TRDN: variants seen among roughly 807,000 people sequenced by gnomAD.
The protein encoded by TRDN is triadin in skeletal muscle.
TRDN carries 161 observed loss-of-function variants against 149.7 expected under a neutral mutation model. The observed-to-expected ratio is 1.08, with a 90% confidence interval of 0.95 to 1.23. TRDN has a LOEUF of 1.23. TRDN is among the 50% of genes most tolerant of loss of function. TRDN has a pLI of 0.00. For missense variants in TRDN, 896 were observed against 823.5 expected (o/e 1.09, Z -1.08); for synonymous variants, 294 against 250.5 (o/e 1.17, Z -1.64).
Position 123,516,207 on chromosome 6 carries a change from C to T in TRDN, c.485-1G>A. 2.0e-6 allele frequency: 3 copies of T among 1,479,928 alleles called. No homozygotes were observed. Among genetic ancestry groups the T allele is most frequent in the Non-Finnish European group, 2.7e-6 (3 of 1,103,820 alleles). The allele number at this position is 1,479,928 out of a possible 1,614,324, so 91.7% of individuals were successfully genotyped here. A position where few individuals can be genotyped will look rare whatever the true frequency, so the allele number is the denominator to read the frequency against. ...CCTTTTTCTTTTTCTTTGTGTGTAACTGAAAAGAAACAGATAAATAGTTTT... is the reference window on the plus strand; with the variant it reads ...CCTTTTTCTTTTTCTTTGTGTGTAATTGAAAAGAAACAGATAAATAGTTTT... On this transcript the variant is annotated splice_acceptor_variant, in intron 5 of 40. Coordinates refer to ENST00000334268, the MANE Select transcript of TRDN (RefSeq NM_006073.4). LOFTEE classifies it high-confidence loss of function.
At chr6:123,483,427 A>G (rs1777851059) in intron 9 of TRDN, among the ~76,000 whole-genome samples, 1 of 152,054 alleles carries the variant, frequency 6.6e-6, no homozygotes, top group African/African-American at 2.4e-5. Context: ...TAAAAACTAC[A>G]TCTAATTTTA....
intron 13 of TRDN, among the ~76,000 whole-genome samples, 180 bp downstream of exon 13, chr6:123,393,444 G>T (rs907351563): frequency 6.6e-6 from 1 of 151,996 alleles, no homozygotes. Context: ...ATTACTCTCA[G>T]TCATGCTTGC....
intron 5 of TRDN, among the ~76,000 whole-genome samples, chr6:123,522,082 C>A (rs945962940): frequency 6.6e-6 from 1 of 152,052 alleles, no homozygotes; most frequent in Non-Finnish European, 1.5e-5. Context: ...CGCTGTCTAG[C>A]CCACTCTGAA....
chr6:123,529,701 A>G (rs1780134890), intron 5 of TRDN, among the ~76,000 whole-genome samples: 1 of 152,036 alleles, frequency 6.6e-6, no homozygotes, highest in Admixed American at 6.6e-5. Flanking sequence ...TTTATCTCAG[A>G]AATAAATTAT....
intron 1 of TRDN, among the ~76,000 whole-genome samples, chr6:123,613,243 T>C (rs1384809484): frequency 6.6e-6 from 1 of 152,190 alleles, no homozygotes; most frequent in Non-Finnish European, 1.5e-5. Flanking sequence ...TGCCAAACTT[T>C]CCATGAGCAA....
chr6:123,313,531 T>C (rs539327557), intron 24 of TRDN, among the ~76,000 whole-genome samples: 15 of 152,020 alleles, frequency 9.9e-5, no homozygotes, highest in African/African-American at 3.4e-4. Flanking sequence ...AGGGCTTCTG[T>C]AGTTTGCTGG....
chr6:123,506,219 AG>A (rs1269827806), intron 7 of TRDN, among the ~76,000 whole-genome samples: 24 of 152,206 alleles, frequency 1.6e-4, no homozygotes, highest in Admixed American at 1.6e-3. Context: ...GCTCACAGCT[AG>A]TTGCTGGAGC....
At chr6:123,234,146 G>A (rs6934366) in intron 38 of TRDN, among the ~76,000 whole-genome samples, 8,095 of 151,962 alleles carry the variant, frequency 0.053, 629 homozygotes, top group African/African-American at 0.18. Flanking sequence ...CCCTGGTATC[G>A]ACTACTACCC....
chr6:123,342,562 G>T (rs4142848), intron 21 of TRDN, among the ~76,000 whole-genome samples: 3 of 151,740 alleles, frequency 2.0e-5, no homozygotes, highest in Non-Finnish European at 2.9e-5. Context: ...ACATAAGATC[G>T]CTTTAACTTC....
At chr6:123,585,160 G>A (rs1783393614) in intron 1 of TRDN, among the ~76,000 whole-genome samples, 2 of 149,324 alleles carry the variant, frequency 1.3e-5, no homozygotes, top group African/African-American at 2.5e-5. Flanking sequence ...AATACAAGAG[G>A]AGCACGCAAA....
intron 21 of TRDN, among the ~76,000 whole-genome samples, chr6:123,340,423 A>G (rs905664617): frequency 6.6e-6 from 1 of 152,116 alleles, no homozygotes; most frequent in African/African-American, 2.4e-5. Flanking sequence ...GTTAATACAA[A>G]TATTTTGTTG....
At chr6:123,474,409 T>C (rs12332861) in intron 9 of TRDN, among the ~76,000 whole-genome samples, 25,351 of 151,434 alleles carry the variant, frequency 0.17, 2,293 homozygotes, top group South Asian at 0.3. Context: ...AATACAGGAG[T>C]ACCAAGATTC....
At chr6:123,531,283 A>G (rs1780240050) in intron 4 of TRDN, among the ~76,000 whole-genome samples, 1 of 152,058 alleles carries the variant, frequency 6.6e-6, no homozygotes, top group African/African-American at 2.4e-5. Flanking sequence ...ACCTTTGAAA[A>G]GTGACTTAAT....
intron 1 of TRDN, among the ~76,000 whole-genome samples, chr6:123,611,845 C>A (rs574800666): frequency 6.6e-6 from 1 of 152,210 alleles, no homozygotes; most frequent in South Asian, 2.1e-4. Context: ...TCAGTCAGAA[C>A]CTTTGCTTTA....
intron 9 of TRDN, among the ~76,000 whole-genome samples, chr6:123,483,074 T>A (rs1200657514): frequency 1.3e-5 from 1 of 77,860 alleles, no homozygotes; most frequent in Admixed American, 1.6e-4. Flanking sequence ...CATTTATTAT[T>A]ATTATTATTA....
intron 2 of TRDN, among the ~76,000 whole-genome samples, chr6:123,569,591 G>A (rs1338093479): frequency 6.6e-6 from 1 of 152,154 alleles, no homozygotes; most frequent in Non-Finnish European, 1.5e-5. Flanking sequence ...AGTTATACAG[G>A]TTGTACAGGA....
chr6:123,513,222 T>C (rs1779259043), intron 6 of TRDN, among the ~76,000 whole-genome samples: 1 of 152,096 alleles, frequency 6.6e-6, no homozygotes. Flanking sequence ...GATTAGACAA[T>C]GTTAACAAAA....
chr6:123,584,379 TGCACGGAGACATGATGC>T (rs766962718), intron 1 of TRDN, among the ~76,000 whole-genome samples: 21,920 of 151,904 alleles, frequency 0.14, 2,362 homozygotes, highest in East Asian at 0.49. Flanking sequence ...CAGCAGCCGC[TGCACGGAGACATGATGC>T]CTAGGCTAAA....
chr6:123,529,554 T>C (rs1780125782), intron 5 of TRDN: 3 of 543,516 alleles, frequency 5.5e-6, no homozygotes, highest in Non-Finnish European at 9.9e-6. Flanking sequence ...ATTGTATTAA[T>C]ATAAATTCAC....
Sources: gnomAD v4.1 joint callset for allele counts (sites outside exome capture counted in the v4.1 genomes callset) on GRCh38, gnomAD v4.1.1 for gene constraint, MANE v1.5 for transcripts, NCBI Gene and HGNC (gene_info 2026-07-23, HGNC 2026-07-21) for gene names.